Variants in FGFRL1 observed in about 807,000 individuals in gnomAD.
FGFRL1 encodes fibroblast growth factor receptor-like 1.
In FGFRL1, 24 loss-of-function variants were observed where a neutral mutation model predicts 36.8. The ratio of observed to expected loss-of-function variants is 0.65; its 90% CI spans 0.47 to 0.92. The LOEUF (loss-of-function observed/expected upper bound fraction) is 0.92, where lower values mean the gene tolerates loss of function less well. FGFRL1 is among the 40% of genes least tolerant of loss of function. The pLI is 0.00. For missense variants in FGFRL1, 785 were observed against 753.4 expected, an observed-to-expected ratio of 1.04 and a Z score of -0.49; for synonymous variants, 422 against 344.1, an observed-to-expected ratio of 1.23 and a Z score of -2.50.
At chr4:1,018,267 G>C (rs549714019) in intron 2 of FGFRL1, among the ~76,000 whole-genome samples, 1 of 151,802 alleles carries the variant, frequency 6.6e-6, no homozygotes, top group African/African-American at 2.4e-5. Flanking sequence ...GTGACAAAGC[G>C]TGTAGGCAGA....
At chr4:1,012,933 G>A (rs1577554550) in intron 2 of FGFRL1, among the ~76,000 whole-genome samples, 1 of 152,370 alleles carries the variant, frequency 6.6e-6, no homozygotes, top group East Asian at 1.9e-4. Flanking sequence ...CAGTGGACCC[G>A]ATAAGGACTC....
chr4:1,022,545 C>T (rs971509888), intron 3 of FGFRL1, 70 bp downstream of exon 3: 57 of 1,504,962 alleles, frequency 3.8e-5, no homozygotes, highest in African/African-American at 3.6e-4. Context: ...GGAGGGCGGA[C>T]GGGGACACAC....
At chr4:1,024,848 C>G in intron 6 of FGFRL1, 57 bp from the exon 7 acceptor site, 1 of 1,524,158 alleles carries the variant, frequency 6.6e-7, no homozygotes, top group South Asian at 1.2e-5. Flanking sequence ...CTGGGGTGCT[C>G]TCCTGGTCTT....
chr4:1,025,178 A>G lies in FGFRL1; in HGVS notation c.1346A>G (p.Glu449Gly), dbSNP rs1309423057. 1 of 1,610,432 alleles carries G rather than the reference A, an allele frequency of 6.2e-7. No individual in the cohort carries two copies. Among genetic ancestry groups the G allele is most frequent in the Non-Finnish European group, 8.5e-7 (1 of 1,179,040 alleles). The change falls in exon 7 of 7, where the codon GAG (glutamate) becomes GGG (glycine). Residue 449 changes from glutamate (E) to glycine (G), a missense_variant. Physicochemically the swap from Glu to Gly is moderately conservative, Grantham distance 98. Transcript: ENST00000510644. ...SAGPGVGLCEEHGSPAAPQHL... is the reference protein window; with the variant it reads ...SAGPGVGLCEGHGSPAAPQHL... ...GGCCCTGGTGTGGGGCTGTGTGAGG[A>G]GCATGGGTCTCCGGCAGCCCCCCAG...
rs1407889174 is a variant in FGFRL1, at chr4:1,024,039, A to G, written c.656A>G (p.Tyr219Cys). ...KNLRPEDSGKYTCRVSNRAGA... is the reference protein window; with the variant it reads ...KNLRPEDSGKCTCRVSNRAGA... ...CTGCGGCCGGAGGACAGCGGCAAAT[A>G]CACCTGCCGCGTGTCGAACCGCGCG... Residue 219 changes from tyrosine to cysteine, a missense_variant, in exon 5 of 7, where the codon TAC becomes TGC. Physicochemically the swap from Tyr to Cys is radical, Grantham distance 194 (BLOSUM62 -2). Coordinates refer to ENST00000510644, the MANE Select transcript of FGFRL1 (RefSeq NM_001004356.3). 1 of 1,606,576 alleles carries G rather than the reference A, an allele frequency of 6.2e-7. No individual in the cohort carries two copies.
At position 1,023,820 on chromosome 4, in the gene FGFRL1, G is replaced by A. The variant is rs749613570; in HGVS notation, c.437G>A (p.Arg146Gln). ...TCCACGCCACCCCACCCCGCAGCAC[G>A]ACCGCGCTTCACACAGCCCTCCAAG... ...QEDPASQQWA[R>Q]PRFTQPSKMR... The change falls in exon 5 of 7, where the codon CGA (arginine) becomes CAA (glutamine). Residue 146 changes from arginine to glutamine, a missense_variant. Coordinates refer to ENST00000510644, the MANE Select transcript of FGFRL1 (RefSeq NM_001004356.3). The surrounding 1 kb of genome is among the most constrained non-coding windows in gnomAD (Gnocchi z 6.0). 19 of 1,577,792 alleles carry A rather than the reference G, an allele frequency of 1.2e-5. No individual in the cohort carries two copies. The highest frequency in any genetic ancestry group is 1.0e-4 in the Admixed American group (6 of 57,948).
At position 1,023,291 on chromosome 4, in the gene FGFRL1, C is replaced by G. The variant is rs979756976; in HGVS notation, c.353-350C>G. On this transcript the variant is annotated intron_variant, in intron 3 of 6. Transcript: ENST00000510644. This position sits in a 1 kb window ranked among gnomAD's most constrained non-coding sequence, Gnocchi z 6.0. ...CGATGACCGGGTGGTATGAGAGTCT[C>G]GTCTGTTCACCAGCCCTCGGCCCCT... 6.6e-6 allele frequency among the ~76,000 whole-genome samples: 1 copy of G among 152,014 alleles called. No homozygotes were observed. Among genetic ancestry groups the G allele is most frequent in the Non-Finnish European group, 1.5e-5 (1 of 67,954 alleles).
In FGFRL1 at chr4:1,025,805, A is replaced by G. The variant is rs765885844; in HGVS notation, c.*458A>G. ...GGTATCCGGACACACACGTGCACAG[A>G]TATGCTGCCTGGACACACAGATAAT... is the stretch of plus-strand genomic sequence containing the variant. On this transcript the variant is annotated 3_prime_UTR_variant, in exon 7 of 7. Coordinates refer to ENST00000510644, the MANE Select transcript of FGFRL1 (RefSeq NM_001004356.3). 1.9e-5 allele frequency: 4 copies of G among 208,900 alleles called. No homozygotes were observed. Among genetic ancestry groups the G allele is most frequent in the Non-Finnish European group, 3.9e-5 (4 of 103,878 alleles). 12.9% of individuals were successfully genotyped at this position (208,900 alleles called of 1,614,324 possible).
intron 2 of FGFRL1, among the ~76,000 whole-genome samples, chr4:1,017,316 A>G (rs1715941626): frequency 6.6e-6 from 1 of 152,114 alleles, no homozygotes; most frequent in Non-Finnish European, 1.5e-5. Context: ...CAGCTCCTCC[A>G]TGCGGGAACT....
chr4:1,018,368 G>A (rs11930231), intron 2 of FGFRL1, among the ~76,000 whole-genome samples: 6,125 of 152,128 alleles, frequency 0.04, 345 homozygotes, highest in African/African-American at 0.13. Flanking sequence ...TGGGGGGGGC[G>A]GCGGGAGGAT....
At chr4:1,015,331 CCCTG>C (rs544892646) in intron 2 of FGFRL1, among the ~76,000 whole-genome samples, 13 of 152,328 alleles carry the variant, frequency 8.5e-5, no homozygotes, top group African/African-American at 2.9e-4. Context: ...GGGCTGCACT[CCCTG>C]CCTGCCTGCC....
At chr4:1,014,396 C>T (rs895319274) in intron 2 of FGFRL1, among the ~76,000 whole-genome samples, 8 of 152,268 alleles carry the variant, frequency 5.3e-5, no homozygotes, top group South Asian at 2.1e-4. Context: ...TGAAGGAAGT[C>T]GTTTCAGGGC....
At chr4:1,014,995 C>G (rs531406402) in intron 2 of FGFRL1, among the ~76,000 whole-genome samples, 1 of 152,216 alleles carries the variant, frequency 6.6e-6, no homozygotes, top group East Asian at 1.9e-4. Flanking sequence ...GCAGGCCCCG[C>G]GCTGCGGCCC....
In FGFRL1 at chr4:1,026,250, C is replaced by T. The variant is rs1011772560; in HGVS notation, c.*903C>T. ...GCACGCACACATGCAGATATGCTGC[C>T]TGGGCACACACTTCCGGACACACAT... On this transcript the variant is annotated 3_prime_UTR_variant, in exon 7 of 7. Transcript: ENST00000510644. The T allele has an allele frequency of 1.3e-5, 2 of 157,070 alleles. No individual in the cohort carries two copies. Among genetic ancestry groups the T allele is most frequent in the Admixed American group, 6.4e-5 (1 of 15,510 alleles). 9.7% of individuals were successfully genotyped at this position (157,070 alleles called of 1,614,324 possible).
At chr4:1,018,453 T>G (rs1716007986) in intron 2 of FGFRL1, among the ~76,000 whole-genome samples, 1 of 152,206 alleles carries the variant, frequency 6.6e-6, no homozygotes, top group South Asian at 2.1e-4. Context: ...AGGCCCTGTC[T>G]CAGACTCAGT....
At chr4:1,024,838 C>T in intron 6 of FGFRL1, 67 bp from the exon 7 acceptor site, 1 of 1,500,000 alleles carries the variant, frequency 6.7e-7, no homozygotes, top group Non-Finnish European at 9.0e-7. Context: ...TGGGATGGGT[C>T]TGGGGTGCTC....
chr4:1,018,779 C>T (rs775042027), intron 2 of FGFRL1, among the ~76,000 whole-genome samples: 13 of 152,158 alleles, frequency 8.5e-5, no homozygotes, highest in Admixed American at 2.6e-4. Flanking sequence ...GTGCCCTGGC[C>T]GCTGTCCTGG....
At chr4:1,024,723 C>G in intron 6 of FGFRL1, 59 bp downstream of exon 6, 1 of 1,506,662 alleles carries the variant, frequency 6.6e-7, no homozygotes, top group Non-Finnish European at 8.9e-7. Context: ...CCCCTGGGCC[C>G]GGCGTCCCAC....
intron 2 of FGFRL1, among the ~76,000 whole-genome samples, chr4:1,015,593 G>C (rs896874469): frequency 2.0e-5 from 3 of 152,242 alleles, no homozygotes; most frequent in Non-Finnish European, 2.9e-5. Context: ...CATTGCCCCT[G>C]TGTGGGGCAG....
Sources: gnomAD v4.1 joint callset for allele counts (sites outside exome capture counted in the v4.1 genomes callset) on GRCh38, gnomAD v4.1.1 for gene constraint, Gnocchi (gnomAD v3.1) non-coding constraint, MANE v1.5 for transcripts, NCBI Gene and HGNC (gene_info 2026-07-23, HGNC 2026-07-21) for gene names.